HDAC4: variants seen among roughly 807,000 people sequenced by gnomAD.
HDAC4 encodes the protein histone deacetylase 4.
In HDAC4, 16 loss-of-function variants were observed where a neutral mutation model predicts 135.1. The observed-to-expected ratio is 0.12, with a 90% confidence interval of 0.08 to 0.18. The LOEUF (loss-of-function observed/expected upper bound fraction) is 0.18. Among genes scored for constraint, HDAC4 ranks in the 10% least tolerant of loss-of-function variants. The probability of loss-of-function intolerance (pLI) is 1.00; values close to 1 mark genes in which losing one functional copy is unlikely to be tolerated. For synonymous variants in HDAC4, 685 were observed against 653.4 expected (o/e 1.05, Z -0.74); for missense variants, 1,143 against 1,511.8 (o/e 0.76, Z 4.05).
At chr2:239,178,550 G>A (rs1015653038) in intron 4 of HDAC4, among the ~76,000 whole-genome samples, 2 of 152,064 alleles carry the variant, frequency 1.3e-5, no homozygotes, top group Admixed American at 6.5e-5. Flanking sequence ...ACCCAGATAC[G>A]TTTTCTTCTT....
intron 8 of HDAC4, among the ~76,000 whole-genome samples, chr2:239,142,756 C>T (rs2041478812): frequency 6.6e-6 from 1 of 150,434 alleles, no homozygotes; most frequent in African/African-American, 2.5e-5. Flanking sequence ...ACACATGGCT[C>T]CTGGGTGAGC....
At position 239,168,046 on chromosome 2, in the gene HDAC4, A is replaced by G. The variant is rs1462512295; in HGVS notation, c.491-4123T>C. On this transcript the variant is annotated intron_variant, in intron 5 of 26. Transcript: ENST00000543185. ...GCCGTGGCCTGGGCCTGGCGAGTCC[A>G]GACGACAGAGCTGTGGCAGGTTCTG... 1.1e-4 allele frequency among the ~76,000 whole-genome samples: 17 copies of G among 152,352 alleles called. No individual in the cohort carries two copies. The East Asian group carries it at 2.9e-3, about 26-fold the overall frequency.
chr2:239,384,479 T>C (rs1463324988), intron 1 of HDAC4, among the ~76,000 whole-genome samples: 1 of 144,064 alleles, frequency 6.9e-6, no homozygotes. Flanking sequence ...AAGCCAGATG[T>C]GGTGGTGCAC....
At chr2:239,211,385 G>A (rs939875193) in intron 3 of HDAC4, among the ~76,000 whole-genome samples, 1 of 152,178 alleles carries the variant, frequency 6.6e-6, no homozygotes, top group African/African-American at 2.4e-5. Context: ...CCTGGGGGCC[G>A]AAAGTCCTGG....
chr2:239,386,891 A>T (rs1695847186), intron 1 of HDAC4, among the ~76,000 whole-genome samples: 1 of 152,172 alleles, frequency 6.6e-6, no homozygotes, highest in South Asian at 2.1e-4. Flanking sequence ...CATCAGATGT[A>T]CCCATTTTAG....
chr2:239,144,811 A>G (rs2041644549), intron 7 of HDAC4, 97 bp from the exon 8 acceptor site: 2 of 1,302,964 alleles, frequency 1.5e-6, no homozygotes, highest in South Asian at 2.4e-5. Context: ...CTGGTGAGTA[A>G]ATATTTGCTC....
At position 239,141,838 on chromosome 2, in the gene HDAC4, G is replaced by A. The variant is rs953749327; in HGVS notation, c.866-2042C>T. On this transcript the variant is annotated intron_variant, in intron 8 of 26. Coordinates refer to ENST00000543185, the MANE Select transcript of HDAC4 (RefSeq NM_001378414.1). The surrounding 1 kb of genome is among the most constrained non-coding windows in gnomAD (Gnocchi z 4.9). ...TTTCCACCCACTTTTAACTCAACGA[G>A]GTTAATTTTATTTTTTTGCATTCTA... Among the ~76,000 whole-genome samples the A allele has an allele frequency of 6.6e-6, 1 of 152,106 alleles. No individual in the cohort carries two copies. The highest frequency in any genetic ancestry group is 6.6e-5 in the Admixed American group (1 of 15,260).
At chr2:239,392,364 A>C (rs1268738579) in intron 1 of HDAC4, among the ~76,000 whole-genome samples, 1 of 152,242 alleles carries the variant, frequency 6.6e-6, no homozygotes, top group African/African-American at 2.4e-5. Flanking sequence ...TTGAGCTGGC[A>C]AACAAGTGTT....
chr2:239,283,143 A>G (rs1005241203), intron 2 of HDAC4, among the ~76,000 whole-genome samples: 1 of 152,394 alleles, frequency 6.6e-6, no homozygotes. Context: ...GAGGGTGCAG[A>G]GGGAGCTTGA....
At chr2:239,288,286 A>G (rs2051251670) in intron 2 of HDAC4, among the ~76,000 whole-genome samples, 1 of 152,244 alleles carries the variant, frequency 6.6e-6, no homozygotes, top group African/African-American at 2.4e-5. Flanking sequence ...CTAATGGAAC[A>G]CAGCTATCCA....
chr2:239,208,046 G>C (rs895933487), intron 3 of HDAC4, among the ~76,000 whole-genome samples: 1 of 152,050 alleles, frequency 6.6e-6, no homozygotes, highest in African/African-American at 2.4e-5. Context: ...GAAAAGGCCG[G>C]GCGCGGTGGC....
chr2:239,275,343 A>G (rs2050295348), intron 2 of HDAC4, among the ~76,000 whole-genome samples: 1 of 152,244 alleles, frequency 6.6e-6, no homozygotes, highest in Non-Finnish European at 1.5e-5. Flanking sequence ...TCAAGAGGCA[A>G]GCAAATGATT....
chr2:239,171,382 C>A (rs527299856), intron 5 of HDAC4, among the ~76,000 whole-genome samples: 2 of 152,254 alleles, frequency 1.3e-5, no homozygotes, highest in East Asian at 3.9e-4. Context: ...AGTTTAACAG[C>A]AGATTATTGT....
At chr2:239,196,140 G>A (rs986672059) in intron 3 of HDAC4, among the ~76,000 whole-genome samples, 1 of 151,870 alleles carries the variant, frequency 6.6e-6, no homozygotes, top group African/African-American at 2.4e-5. Flanking sequence ...CTGATATTTT[G>A]CCTCTATGTG....
chr2:239,232,106 C>T (rs1468278717), intron 3 of HDAC4, among the ~76,000 whole-genome samples: 2 of 152,260 alleles, frequency 1.3e-5, no homozygotes, highest in African/African-American at 4.8e-5. Flanking sequence ...GCCTGCAAGG[C>T]CTGGCTGGAA....
At chr2:239,378,686 AT>A (rs1695199965) in intron 1 of HDAC4, among the ~76,000 whole-genome samples, 1 of 127,422 alleles carries the variant, frequency 7.8e-6, no homozygotes, top group Admixed American at 7.6e-5. Context: ...CCGGGAACCA[AT>A]GAACCCGGGA....
intron 2 of HDAC4, among the ~76,000 whole-genome samples, chr2:239,272,831 G>T (rs1318044669): frequency 1.3e-5 from 2 of 152,166 alleles, no homozygotes; most frequent in African/African-American, 2.4e-5. Context: ...GCTCACCTCT[G>T]TACCTCCCTA....
chr2:239,340,373 C>T (rs1362379241), intron 2 of HDAC4, among the ~76,000 whole-genome samples: 2 of 152,198 alleles, frequency 1.3e-5, no homozygotes, highest in African/African-American at 4.8e-5. Flanking sequence ...TTCAACTGTT[C>T]TCAGAAGCTA....
At chr2:239,158,730 G>A (rs890980393) in intron 6 of HDAC4, among the ~76,000 whole-genome samples, 3 of 151,920 alleles carry the variant, frequency 2.0e-5, no homozygotes, top group African/African-American at 4.8e-5. Context: ...CCGCGCACCC[G>A]CCCTCCAGAC....
Sources: allele counts gnomAD v4.1 joint callset (sites outside exome capture counted in the v4.1 genomes callset), GRCh38; gene constraint gnomAD v4.1.1; non-coding constraint Gnocchi (gnomAD v3.1); transcripts MANE v1.5; gene names NCBI Gene and HGNC (gene_info 2026-07-23, HGNC 2026-07-21).